Variants in RAB6A observed in about 807,000 individuals in gnomAD.
RAB6A encodes RAB6A, member RAS oncogene family.
RAB6A carries 8 observed loss-of-function variants against 32.3 expected under a neutral mutation model. That is an observed-to-expected ratio of 0.25 (90% CI 0.15 to 0.45). The LOEUF is 0.45. RAB6A is among the 20% of genes least tolerant of loss of function. RAB6A has a pLI of 1.00. For synonymous variants in RAB6A, 73 were observed against 82.1 expected, an observed-to-expected ratio of 0.89 and a Z score of 0.60; for missense variants, 104 against 249.4, an observed-to-expected ratio of 0.42 and a Z score of 3.93.
chr11:73,718,820 T>C, intron 3 of RAB6A, 102 bp from the exon 4 acceptor site: 1 of 1,613,388 alleles, frequency 6.2e-7, no homozygotes, highest in Non-Finnish European at 8.5e-7. Context: ...TGCAGCAGAA[T>C]CACGGATGTA....
At chr11:73,735,734 C>A (rs906895753) in intron 1 of RAB6A, among the ~76,000 whole-genome samples, 1 of 151,542 alleles carries the variant, frequency 6.6e-6, no homozygotes, top group African/African-American at 2.4e-5. Flanking sequence ...ACGAGATTAC[C>A]TAAATTCTTC....
chr11:73,760,669 T>C lies in RAB6A; in HGVS notation c.-34A>G, dbSNP rs368204342. ...TAGAGGAGCGGCCGCCGCCTCAGCC[T>C]AGAGACCTCCCGGACCGATGCTGCT... On this transcript the variant is annotated 5_prime_UTR_variant, in exon 1 of 8. Coordinates refer to ENST00000336083, the MANE Select transcript of RAB6A (RefSeq NM_198896.2). The C allele has an allele frequency of 1.8e-5, 28 of 1,594,222 alleles. No individual in the cohort carries two copies. The African/African-American group carries it at 3.1e-4, about 18-fold the overall frequency.
intron 5 of RAB6A, among the ~76,000 whole-genome samples, chr11:73,715,632 T>A (rs919413157): frequency 6.6e-6 from 1 of 152,218 alleles, no homozygotes; most frequent in Non-Finnish European, 1.5e-5. Context: ...GCAGAAAGAA[T>A]ATGCAGTAAA....
At chr11:73,746,283 G>T (rs1320057739) in intron 1 of RAB6A, among the ~76,000 whole-genome samples, 1 of 152,100 alleles carries the variant, frequency 6.6e-6, no homozygotes, top group African/African-American at 2.4e-5. Flanking sequence ...TCTCATTCAA[G>T]CTGTATATTT....
chr11:73,733,564 T>C (rs910451196), intron 1 of RAB6A, among the ~76,000 whole-genome samples: 1 of 148,424 alleles, frequency 6.7e-6, no homozygotes, highest in Non-Finnish European at 1.5e-5. Context: ...AAAAAAAAAA[T>C]AAATAAATAA....
intron 5 of RAB6A, among the ~76,000 whole-genome samples, chr11:73,714,209 A>ATATATATATATATATATATAT (rs1555059762): frequency 6.9e-5 from 4 of 57,574 alleles, no homozygotes; most frequent in African/African-American, 1.9e-4. Flanking sequence ...AAAAAAAAAA[A>ATATATATATATATATATATAT]ATATATATAT....
intron 1 of RAB6A, among the ~76,000 whole-genome samples, chr11:73,739,757 T>C (rs907061983): frequency 3.3e-5 from 5 of 151,916 alleles, no homozygotes; most frequent in Non-Finnish European, 5.9e-5. Flanking sequence ...GGTATTTGCA[T>C]AAAAAAGAGA....
intron 1 of RAB6A, among the ~76,000 whole-genome samples, chr11:73,743,581 C>T (rs528726829): frequency 6.6e-6 from 1 of 151,734 alleles, no homozygotes; most frequent in East Asian, 2.0e-4. Context: ...GAGACAGGAT[C>T]ACTGCAGCCT....
intron 4 of RAB6A, among the ~76,000 whole-genome samples, chr11:73,717,646 G>A (rs1324927432): frequency 6.6e-6 from 1 of 152,172 alleles, no homozygotes; most frequent in African/African-American, 2.4e-5. Flanking sequence ...GTTTCATCAC[G>A]TTGGTCAGGC....
At chr11:73,740,345 GA>G (rs145781447) in intron 1 of RAB6A, among the ~76,000 whole-genome samples, 29 of 152,224 alleles carry the variant, frequency 1.9e-4, no homozygotes, top group African/African-American at 6.5e-4. Flanking sequence ...AGACAGTTGA[GA>G]AAAGTACCTA....
rs146079452 is a variant in RAB6A, at chr11:73,752,896, G to A, written c.70+7670C>T. ...GGAAGAAAGTTGAGAAAAATCTTAT[G>A]AGAATTAAAACAGAAGCTTAAGGAA... On this transcript the variant is annotated intron_variant, in intron 1 of 7. Transcript: ENST00000336083. Among the ~76,000 whole-genome samples the A allele has an allele frequency of 2.0e-3, 308 of 152,074 alleles. 1 individual carries two copies. The highest frequency in any genetic ancestry group is 3.3e-3 in the Non-Finnish European group (223 of 67,986).
At chr11:73,736,381 A>T (rs971178654) in intron 1 of RAB6A, among the ~76,000 whole-genome samples, 8 of 151,786 alleles carry the variant, frequency 5.3e-5, no homozygotes, top group Non-Finnish European at 1.2e-4. Context: ...GTGAGCCGAG[A>T]TTGTGCCACT....
intron 4 of RAB6A, among the ~76,000 whole-genome samples, chr11:73,718,198 C>A (rs1462664564): frequency 1.3e-5 from 2 of 152,146 alleles, no homozygotes; most frequent in African/African-American, 4.8e-5. Context: ...CAGAGAAAAG[C>A]TGGCTAGCAG....
At chr11:73,741,823 AAAATG>A (rs1390776288) in intron 1 of RAB6A, among the ~76,000 whole-genome samples, 13 of 152,238 alleles carry the variant, frequency 8.5e-5, no homozygotes, top group African/African-American at 2.9e-4. Context: ...AAATTAAAAC[AAAATG>A]AAATGAAATT....
intron 1 of RAB6A, among the ~76,000 whole-genome samples, chr11:73,746,810 G>A (rs1416929101): frequency 2.6e-5 from 4 of 151,622 alleles, no homozygotes; most frequent in African/African-American, 9.7e-5. Context: ...CCAGACTACT[G>A]GGTTGAAATC....
At chr11:73,693,238 C>T (rs938755369) in intron 6 of RAB6A, among the ~76,000 whole-genome samples, 2 of 151,656 alleles carry the variant, frequency 1.3e-5, no homozygotes, top group African/African-American at 2.4e-5. Context: ...CAGTGAGCTG[C>T]GATCACGCCA....
chr11:73,714,205 AAAAAATAT>A (rs1946013161), intron 5 of RAB6A, among the ~76,000 whole-genome samples: 1 of 62,906 alleles, frequency 1.6e-5, no homozygotes, highest in Admixed American at 1.9e-4. Context: ...AAAAAAAAAA[AAAAAATAT>A]ATATATATAT....
At chr11:73,679,356 G>A (rs1945318296) in intron 7 of RAB6A, among the ~76,000 whole-genome samples, 1 of 152,174 alleles carries the variant, frequency 6.6e-6, no homozygotes, top group Non-Finnish European at 1.5e-5. Flanking sequence ...AAAGCCTAGA[G>A]TCAATGGGAC....
intron 6 of RAB6A, among the ~76,000 whole-genome samples, chr11:73,705,624 G>T (rs1452843533): frequency 6.6e-6 from 1 of 152,064 alleles, no homozygotes; most frequent in African/African-American, 2.4e-5. Flanking sequence ...GCTACCCACT[G>T]CTTTGTCTTA....
Sources: allele counts gnomAD v4.1 joint callset (sites outside exome capture counted in the v4.1 genomes callset), GRCh38; gene constraint gnomAD v4.1.1; transcripts MANE v1.5; gene names NCBI Gene and HGNC (gene_info 2026-07-23, HGNC 2026-07-21).